ARHGEF6: variants seen among roughly 807,000 people sequenced by gnomAD.
The protein encoded by ARHGEF6 is Rac/Cdc42 guanine nucleotide exchange factor 6.
ARHGEF6 carries 9 observed loss-of-function variants against 70.3 expected under a neutral mutation model. The observed-to-expected ratio is 0.13, with a 90% CI of 0.08 to 0.22. The LOEUF is 0.22. Ranked by LOEUF, ARHGEF6 falls within the 10% of genes least tolerant of loss-of-function variation. ARHGEF6 has a pLI of 1.00. For synonymous variants in ARHGEF6, 201 were observed against 207.8 expected (o/e 0.97, Z 0.28); for missense variants, 470 against 563.0 (o/e 0.83, Z 1.67).
intron 12 of ARHGEF6, 21 bp from the exon 13 acceptor site, chrX:136,682,865 T>C (rs1385543275): frequency 8.8e-7 from 1 of 1,136,929 alleles, no homozygotes; most frequent in Non-Finnish European, 1.2e-6. Flanking sequence ...ATGAAAATAA[T>C]ACATGAAGAA....
chrX:136,675,127 T>C (rs1260249288), intron 18 of ARHGEF6, 31 bp from the exon 19 acceptor site: 3 of 1,143,279 alleles, frequency 2.6e-6, no homozygotes, highest in East Asian at 3.0e-5. Context: ...TGACTTTTCA[T>C]AGATATATGC....
intron 7 of ARHGEF6, among the ~76,000 whole-genome samples, chrX:136,711,551 GT>G (rs2076684666): frequency 9.0e-6 from 1 of 111,640 alleles, no homozygotes; most frequent in African/African-American, 3.3e-5. Flanking sequence ...AAAATACTTT[GT>G]TTTTTGTTTT....
chrX:136,668,808 G>A (rs2076191107), intron 21 of ARHGEF6, among the ~76,000 whole-genome samples: 1 of 110,407 alleles, frequency 9.1e-6, no homozygotes, highest in Non-Finnish European at 1.9e-5. Context: ...CCATGAAGGG[G>A]CACCACCATA....
At chrX:136,768,111 A>G (rs1009133154) in intron 2 of ARHGEF6, among the ~76,000 whole-genome samples, 1 of 110,978 alleles carries the variant, frequency 9.0e-6, no homozygotes, top group African/African-American at 3.3e-5. Flanking sequence ...AGCCGCTGAG[A>G]CACCCGAGAA....
At chrX:136,772,839 G>A (rs1168592109) in intron 2 of ARHGEF6, among the ~76,000 whole-genome samples, 1 of 111,838 alleles carries the variant, frequency 8.9e-6, no homozygotes, top group Non-Finnish European at 1.9e-5. Flanking sequence ...CTCCAGCCTG[G>A]GAGACAGAGC....
intron 9 of ARHGEF6, among the ~76,000 whole-genome samples, chrX:136,703,051 T>A (rs1298590825): frequency 9.0e-6 from 1 of 111,090 alleles, no homozygotes; most frequent in Non-Finnish European, 1.9e-5. Flanking sequence ...TGCAAAAGAA[T>A]AAAATGGAAC....
chrX:136,668,754 C>T (rs1699162671), intron 21 of ARHGEF6, among the ~76,000 whole-genome samples: 1 of 109,239 alleles, frequency 9.2e-6, no homozygotes, highest in African/African-American at 3.3e-5. Context: ...CTCAGTATCT[C>T]TCTCAACACC....
chrX:136,722,595 C>T (rs971052092), intron 6 of ARHGEF6, among the ~76,000 whole-genome samples: 41 of 111,542 alleles, frequency 3.7e-4, no homozygotes, highest in Non-Finnish European at 3.6e-4. Context: ...ATCAAAACTA[C>T]AATTAGATAC....
At chrX:136,719,579 A>T (rs1294606890) in intron 6 of ARHGEF6, among the ~76,000 whole-genome samples, 4 of 111,686 alleles carry the variant, frequency 3.6e-5, no homozygotes, top group Non-Finnish European at 7.6e-5. Flanking sequence ...TAAATAATCT[A>T]AACTTCCACC....
At chrX:136,745,836 T>A (rs920825361) in intron 3 of ARHGEF6, among the ~76,000 whole-genome samples, 9 of 111,934 alleles carry the variant, frequency 8.0e-5, no homozygotes, top group Non-Finnish European at 1.3e-4. Flanking sequence ...GGGTGGAGAA[T>A]GAGAGTGAAA....
intron 19 of ARHGEF6, among the ~76,000 whole-genome samples, chrX:136,673,581 G>A (rs188546646): frequency 1.9e-4 from 21 of 111,240 alleles, no homozygotes; most frequent in African/African-American, 5.9e-4. Context: ...TAGGTGGTGC[G>A]GGAGGAGATG....
chrX:136,675,134 A>G lies in ARHGEF6; in HGVS notation c.1946-38T>C, dbSNP rs188922132. 1,060 of 1,106,667 alleles carry G rather than the reference A, an allele frequency of 9.6e-4. 6 individuals carry two copies. The African/African-American group carries it at 0.017, about 18-fold the overall frequency. The allele number at this position is 1,106,667 out of a possible 1,213,427, so 91.2% of individuals were successfully genotyped here. ...ATTCATCATGACTTTTCATAGATAT[A>G]TGCTTTTGGACCCTCAAAATGATGC... On this transcript the variant is annotated intron_variant, in intron 18 of 21. Coordinates refer to ENST00000250617, the MANE Select transcript of ARHGEF6 (RefSeq NM_004840.3).
intron 20 of ARHGEF6, 33 bp downstream of exon 20, chrX:136,671,987 G>T: frequency 8.8e-7 from 1 of 1,141,455 alleles, no homozygotes; most frequent in Non-Finnish European, 1.2e-6. Context: ...AGCCCCAAGA[G>T]AAACTAGGCA....
rs769789476 is a variant in ARHGEF6, at chrX:136,690,735, G to A, written c.1060C>T (p.Gln354Ter). Residue 354 changes from glutamine (Q) to a stop codon, truncating the protein, a stop_gained, in exon 10 of 22, where the codon CAA (glutamine) becomes TAA (stop). Coordinates refer to ENST00000250617, the MANE Select transcript of ARHGEF6 (RefSeq NM_004840.3). LOFTEE classifies it high-confidence loss of function. Reference protein sequence around the residue: ...VLTQHSDELEQFMENQGASSP... With the variant: ...VLTQHSDELE The stretch of plus-strand genomic sequence containing the variant: ...GATGCACCTTGATTTTCCATGAATT[G>A]TTCCAACTCATCACTAGCAAAAGAA... 8.3e-7 allele frequency: 1 copy of A among 1,210,639 alleles called. No individual in the cohort carries two copies. Among genetic ancestry groups the A allele is most frequent in the Non-Finnish European group, 1.1e-6 (1 of 894,534 alleles).
chrX:136,680,683 T>C (rs764455151), intron 15 of ARHGEF6, 48 bp downstream of exon 15: 2 of 1,194,029 alleles, frequency 1.7e-6, no homozygotes, highest in Non-Finnish European at 1.1e-6. Flanking sequence ...CAGGCAGGAG[T>C]TGACGAAAGA....
intron 11 of ARHGEF6, among the ~76,000 whole-genome samples, chrX:136,686,669 T>C (rs1414647234): frequency 2.7e-5 from 2 of 75,222 alleles, no homozygotes; most frequent in African/African-American, 5.1e-5. Context: ...CACATGTGTA[T>C]ATATATATAC....
intron 7 of ARHGEF6, among the ~76,000 whole-genome samples, chrX:136,710,703 C>A (rs1435998929): frequency 9.0e-6 from 1 of 110,839 alleles, no homozygotes; most frequent in Admixed American, 9.7e-5. Flanking sequence ...TGGAAACTTA[C>A]TATCACTGCA....
chrX:136,741,444 A>G (rs2077040690), intron 5 of ARHGEF6, among the ~76,000 whole-genome samples: 1 of 111,700 alleles, frequency 9.0e-6, no homozygotes, highest in African/African-American at 3.3e-5. Context: ...ATAACATACA[A>G]TCAGTAAGGC....
At chrX:136,752,248 G>A (rs926450082) in intron 2 of ARHGEF6, among the ~76,000 whole-genome samples, 1 of 111,904 alleles carries the variant, frequency 8.9e-6, no homozygotes, top group Admixed American at 9.5e-5. Flanking sequence ...GTCTCCACAG[G>A]GGCCTTGCCT....
Sources: gnomAD v4.1 joint callset for allele counts (sites outside exome capture counted in the v4.1 genomes callset) on GRCh38, gnomAD v4.1.1 for gene constraint, MANE v1.5 for transcripts, NCBI Gene and HGNC (gene_info 2026-07-23, HGNC 2026-07-21) for gene names.